The following SLC30A8 variants were observed in gnomAD, a reference collection of about 807,000 sequenced individuals.
SLC30A8 encodes the protein solute carrier family 30 member 8.
In SLC30A8, 27 loss-of-function variants were observed where a neutral mutation model predicts 36.9. The observed-to-expected ratio is 0.73, with a 90% CI of 0.54 to 1.01. The LOEUF (loss-of-function observed/expected upper bound fraction) is 1.01. SLC30A8 is among the 50% of genes least tolerant of loss of function. The probability of loss-of-function intolerance (pLI) is 0.00; values close to 1 mark genes in which losing one functional copy is unlikely to be tolerated. For missense variants in SLC30A8, 439 were observed against 452.0 expected, an observed-to-expected ratio of 0.97 and a Z score of 0.26; for synonymous variants, 164 against 172.4, an observed-to-expected ratio of 0.95 and a Z score of 0.38.
At position 116,963,134 on chromosome 8, in the gene SLC30A8, T is replaced by C. The variant is rs79408534; in HGVS notation, c.-266+12015T>C. Reference sequence around the variant, plus strand: ...GAAGGAAAAATCTCACATCATGGAATTGTGGAAATTACTTAAATTGGGCTT... The same window carrying C: ...GAAGGAAAAATCTCACATCATGGAACTGTGGAAATTACTTAAATTGGGCTT... On this transcript the variant is annotated intron_variant, in intron 1 of 10. Coordinates refer to the SLC30A8 transcript ENST00000427715. 5.3e-5 allele frequency among the ~76,000 whole-genome samples: 8 copies of C among 152,248 alleles called. No homozygotes were observed. In the East Asian group the frequency reaches 1.2e-3, roughly 22 times the overall value.
At chr8:117,160,206 A>T (rs1004646205) in intron 4 of SLC30A8, among the ~76,000 whole-genome samples, 4 of 152,240 alleles carry the variant, frequency 2.6e-5, no homozygotes, top group African/African-American at 9.6e-5. Context: ...AGATTCTAGG[A>T]TGAAGGTTAT....
chr8:117,120,551 A>T (rs1253289007), intron 2 of SLC30A8, among the ~76,000 whole-genome samples: 1 of 151,946 alleles, frequency 6.6e-6, no homozygotes, highest in Non-Finnish European at 1.5e-5. Context: ...CTTGGCAATG[A>T]TTTGTTTGAT....
At chr8:117,145,203 A>G (rs1821844169) in intron 1 of SLC30A8, among the ~76,000 whole-genome samples, 1 of 152,134 alleles carries the variant, frequency 6.6e-6, no homozygotes, top group Non-Finnish European at 1.5e-5. Flanking sequence ...TATTCTAGCA[A>G]GAGTCTTGTT....
intron 2 of SLC30A8, among the ~76,000 whole-genome samples, chr8:117,098,482 C>T (rs963787531): frequency 6.6e-6 from 1 of 152,128 alleles, no homozygotes; most frequent in South Asian, 2.1e-4. Flanking sequence ...GTGTAGCTCC[C>T]TCCTATCCAC....
chr8:117,025,342 A>G (rs1201746210), intron 1 of SLC30A8, among the ~76,000 whole-genome samples: 2 of 152,172 alleles, frequency 1.3e-5, no homozygotes, highest in African/African-American at 4.8e-5. Context: ...ACTTTTATGC[A>G]TTTTGAGCCT....
intron 2 of SLC30A8, among the ~76,000 whole-genome samples, chr8:117,041,665 G>T (rs1043032627): frequency 6.6e-6 from 1 of 151,678 alleles, no homozygotes; most frequent in African/African-American, 2.4e-5. Context: ...CTCCACCCTG[G>T]GCAACAAGAG....
chr8:117,051,878 CT>C (rs1817721782), intron 2 of SLC30A8, among the ~76,000 whole-genome samples: 1 of 152,132 alleles, frequency 6.6e-6, no homozygotes, highest in African/African-American at 2.4e-5. Flanking sequence ...GTTTTGCTCC[CT>C]CTCTCACCAT....
chr8:117,089,866 A>G (rs1173854991), intron 2 of SLC30A8, among the ~76,000 whole-genome samples: 1 of 151,986 alleles, frequency 6.6e-6, no homozygotes, highest in East Asian at 1.9e-4. Context: ...TGCACACCCT[A>G]CAGTCTGGCC....
At chr8:117,102,024 T>C (rs558745570) in intron 2 of SLC30A8, among the ~76,000 whole-genome samples, 1 of 152,306 alleles carries the variant, frequency 6.6e-6, no homozygotes, top group Admixed American at 6.5e-5. Context: ...TATATGAAGT[T>C]CTACACAGGT....
At position 117,092,085 on chromosome 8, in the gene SLC30A8, C is replaced by T. The variant is rs757240694; in HGVS notation, c.-225-43195C>T. Among the ~76,000 whole-genome samples the T allele has an allele frequency of 2.6e-5, 4 of 152,198 alleles. No homozygotes were observed. The East Asian group carries it at 5.8e-4, about 22-fold the overall frequency. On this transcript the variant is annotated intron_variant, in intron 2 of 10. Coordinates refer to the SLC30A8 transcript ENST00000427715. The stretch of plus-strand genomic sequence containing the variant: ...TTCTTTTTCTTTACTCATCATTAAT[C>T]GTCAGTAAGTAGAAGGGAGAAAGTA...
chr8:117,097,802 A>G (rs1819490530), intron 2 of SLC30A8, among the ~76,000 whole-genome samples: 1 of 84,054 alleles, frequency 1.2e-5, no homozygotes, highest in African/African-American at 5.0e-5. Context: ...TATATAATAT[A>G]TAATTTTAAA....
chr8:117,049,209 G>C (rs1050330528), intron 2 of SLC30A8, among the ~76,000 whole-genome samples: 1 of 152,148 alleles, frequency 6.6e-6, no homozygotes, highest in Non-Finnish European at 1.5e-5. Flanking sequence ...TTTTTATTCT[G>C]TCTACCCTGC....
chr8:116,956,102 G>A (rs1814192893), intron 1 of SLC30A8, among the ~76,000 whole-genome samples: 1 of 152,180 alleles, frequency 6.6e-6, no homozygotes, highest in African/African-American at 2.4e-5. Context: ...ACTGTGAAAG[G>A]TGAATAGATA....
intron 2 of SLC30A8, among the ~76,000 whole-genome samples, chr8:117,052,446 G>A (rs1817739829): frequency 6.6e-6 from 1 of 152,238 alleles, no homozygotes; most frequent in African/African-American, 2.4e-5. Context: ...GCCTGGGAAT[G>A]AACTATGTTT....
chr8:117,110,198 A>G (rs950386282), intron 2 of SLC30A8, among the ~76,000 whole-genome samples: 19 of 152,194 alleles, frequency 1.2e-4, no homozygotes, highest in African/African-American at 4.6e-4. Flanking sequence ...AGAGAGAGGT[A>G]TTGAGGCTTG....
intron 2 of SLC30A8, among the ~76,000 whole-genome samples, chr8:117,044,787 T>C (rs545322855): frequency 6.6e-6 from 1 of 152,126 alleles, no homozygotes; most frequent in African/African-American, 2.4e-5. Context: ...TGTAACACAA[T>C]TGGTTAAAAT....
intron 2 of SLC30A8, among the ~76,000 whole-genome samples, chr8:117,084,804 A>G (rs1818810438): frequency 6.6e-6 from 1 of 152,176 alleles, no homozygotes; most frequent in Admixed American, 6.5e-5. Context: ...ATCGTGCCTC[A>G]AGGAGTAATG....
At chr8:117,105,177 G>C (rs2130866359) in intron 2 of SLC30A8, among the ~76,000 whole-genome samples, 1 of 152,144 alleles carries the variant, frequency 6.6e-6, no homozygotes, top group African/African-American at 2.4e-5. Flanking sequence ...AGCGCAGTAG[G>C]TCTCAGCCTC....
upstream of SLC30A8, among the ~76,000 whole-genome samples, chr8:117,133,441 A>G (rs1188159126): frequency 6.6e-6 from 1 of 151,992 alleles, no homozygotes; most frequent in Non-Finnish European, 1.5e-5. Flanking sequence ...GTACATCCGT[A>G]TTTGTACTAG....
Sources: gnomAD v4.1 joint callset for allele counts (sites outside exome capture counted in the v4.1 genomes callset) on GRCh38, gnomAD v4.1.1 for gene constraint, MANE v1.5 for transcripts, NCBI Gene and HGNC (gene_info 2026-07-23, HGNC 2026-07-21) for gene names.